Variants in TMPRSS11E observed in about 807,000 individuals in gnomAD.
The protein encoded by TMPRSS11E is transmembrane serine protease 11E.
Under a neutral mutation model 48.1 loss-of-function variants are expected in TMPRSS11E, and 38 were observed. The ratio of observed to expected loss-of-function variants is 0.79; its 90% CI spans 0.61 to 1.04. The LOEUF (loss-of-function observed/expected upper bound fraction) is 1.04. Ranked by LOEUF, TMPRSS11E falls within the 50% of genes least tolerant of loss-of-function variation. The pLI, the probability that TMPRSS11E is intolerant of heterozygous loss-of-function variation, is 0.00. For synonymous variants in TMPRSS11E, 158 were observed against 171.9 expected, an observed-to-expected ratio of 0.92 and a Z score of 0.63; for missense variants, 530 against 510.8, an observed-to-expected ratio of 1.04 and a Z score of -0.36.
At chr4:68,457,164 A>C (rs1728655292) in intron 1 of TMPRSS11E, among the ~76,000 whole-genome samples, 1 of 152,216 alleles carries the variant, frequency 6.6e-6, no homozygotes, top group Non-Finnish European at 1.5e-5. Context: ...TATCTGACAA[A>C]GGGCTAATAT....
rs906364690 is a variant in TMPRSS11E at position 68,495,028 on chromosome 4, G to T, written c.1111-1615G>T. ...GTTGAAAGGGTTTTCCTTTTCTTCT[G>T]AAGTTTATAATTCCACTCCCATTAT... On this transcript the variant is annotated intron_variant, in intron 9 of 9. Coordinates refer to ENST00000305363, the MANE Select transcript of TMPRSS11E (RefSeq NM_014058.4). Among the ~76,000 whole-genome samples the T allele has an allele frequency of 2.0e-5, 3 of 152,182 alleles. No individual in the cohort carries two copies. The East Asian group carries it at 5.8e-4, about 29-fold the overall frequency.
At chr4:68,487,695 A>G (rs1479699522) in intron 9 of TMPRSS11E, among the ~76,000 whole-genome samples, 2 of 152,012 alleles carry the variant, frequency 1.3e-5, no homozygotes, top group Non-Finnish European at 2.9e-5. Flanking sequence ...GTTTGGCTGG[A>G]TATGAAATTC....
chr4:68,478,717 A>T, intron 8 of TMPRSS11E, 132 bp from the exon 9 acceptor site: 1 of 928,834 alleles, frequency 1.1e-6, no homozygotes, highest in South Asian at 1.7e-5. Context: ...GGCCTCTCAA[A>T]GTGCTGGGAT....
chr4:68,452,490 T>A (rs1463112641), intron 1 of TMPRSS11E, among the ~76,000 whole-genome samples: 1 of 151,938 alleles, frequency 6.6e-6, no homozygotes, highest in East Asian at 1.9e-4. Flanking sequence ...TTACCATGAC[T>A]TTACAGCTAG....
rs1044722478 is a variant in TMPRSS11E at position 68,483,534 on chromosome 4, C to T, written c.1110+4543C>T. Among the ~76,000 whole-genome samples, 135 of 151,810 alleles carry T rather than the reference C, an allele frequency of 8.9e-4. 1 individual carries two copies. The highest frequency in any genetic ancestry group is 3.1e-3 in the African/African-American group (128 of 41,422). Reference sequence around the variant, plus strand: ...TTTCTTAAAGATTCTGGATATTAGACCTTTGTCAGATGCATAGTTTGCAAA... The same window carrying T: ...TTTCTTAAAGATTCTGGATATTAGATCTTTGTCAGATGCATAGTTTGCAAA... On this transcript the variant is annotated intron_variant, in intron 9 of 9. Coordinates refer to ENST00000305363, the MANE Select transcript of TMPRSS11E (RefSeq NM_014058.4).
chr4:68,475,377 A>T (rs1309924958), intron 6 of TMPRSS11E, among the ~76,000 whole-genome samples: 1 of 152,120 alleles, frequency 6.6e-6, no homozygotes, highest in Non-Finnish European at 1.5e-5. Flanking sequence ...TTCAATAGTT[A>T]TGGGGTTGTT....
In TMPRSS11E at chr4:68,477,364, C is replaced by T. The variant is rs1482010468; in HGVS notation, c.708-5C>T. 1.9e-6 allele frequency: 3 copies of T among 1,594,884 alleles called. No homozygotes were observed. The highest frequency in any genetic ancestry group is 2.6e-6 in the Non-Finnish European group (3 of 1,173,256). On this transcript the variant is annotated splice_region_variant and splice_polypyrimidine_tract_variant and intron_variant, in intron 7 of 9. Transcript: ENST00000305363. ...GAAATTTATTCTTCATTTTTTTCTC[C>T]CCAGATATAAGAACCCTGCCAGATG...
intron 5 of TMPRSS11E, among the ~76,000 whole-genome samples, chr4:68,473,004 C>T (rs1471460000): frequency 1.3e-5 from 2 of 151,960 alleles, no homozygotes; most frequent in Non-Finnish European, 2.9e-5. Context: ...GGAAATTATG[C>T]AACTATATTT....
intron 6 of TMPRSS11E, among the ~76,000 whole-genome samples, chr4:68,475,865 G>A (rs1729197974): frequency 6.6e-6 from 1 of 152,152 alleles, no homozygotes. Flanking sequence ...TGGTGCCAAG[G>A]TTGAGGAACC....
chr4:68,450,294 T>C (rs935844491), intron 1 of TMPRSS11E, among the ~76,000 whole-genome samples: 4 of 151,960 alleles, frequency 2.6e-5, no homozygotes, highest in African/African-American at 7.2e-5. Context: ...TTGTGTATTT[T>C]ATAAAATGCA....
chr4:68,448,513 A>G (rs574033741), intron 1 of TMPRSS11E, among the ~76,000 whole-genome samples: 5 of 152,052 alleles, frequency 3.3e-5, no homozygotes, highest in African/African-American at 4.8e-5. Context: ...TGACTTTACT[A>G]TAGAAAACAG....
In TMPRSS11E at chr4:68,471,475, A is replaced by G; in HGVS notation, c.342A>G (p.Gly114=). 6.5e-7 allele frequency: 1 copy of G among 1,543,770 alleles called. No homozygotes were observed. Among genetic ancestry groups the G allele is most frequent in the South Asian group, 1.3e-5 (1 of 79,794 alleles). The part of the protein sequence containing the change: ...QVIKFSQQKH[G]VLAHMLLICR... ...TGGCCCACAGTCAACAGAAGCATGG[A>G]GTGTTGGCTCATATGCTGTTGATTT... is the stretch of plus-strand genomic sequence containing the variant. Residue 114 remains glycine, a synonymous_variant, in exon 5 of 10, where the codon GGA becomes GGG. Coordinates refer to ENST00000305363, the MANE Select transcript of TMPRSS11E (RefSeq NM_014058.4).
intron 2 of TMPRSS11E, among the ~76,000 whole-genome samples, chr4:68,466,239 G>A (rs1728923483): frequency 6.6e-6 from 1 of 152,152 alleles, no homozygotes; most frequent in Non-Finnish European, 1.5e-5. Flanking sequence ...GAAAATCTAT[G>A]TTTGGAATAT....
intron 5 of TMPRSS11E, 74 bp downstream of exon 5, chr4:68,471,697 A>T (rs566021795): frequency 7.3e-5 from 89 of 1,215,530 alleles, no homozygotes; most frequent in East Asian, 6.2e-4. Flanking sequence ...TTATTAAAAA[A>T]TTTTTTTTGA....
At chr4:68,484,596 C>T (rs897329236) in intron 9 of TMPRSS11E, among the ~76,000 whole-genome samples, 2 of 152,202 alleles carry the variant, frequency 1.3e-5, no homozygotes, top group Non-Finnish European at 2.9e-5. Context: ...GCATCAGCCA[C>T]TGTACCTGGC....
rs367960746 is a variant in TMPRSS11E, at chr4:68,456,004, A to G, written c.12-5817A>G. Among the ~76,000 whole-genome samples, 33 of 152,034 alleles carry G rather than the reference A, an allele frequency of 2.2e-4. 1 individual carries two copies. In the South Asian group the frequency reaches 4.3e-3, roughly 20 times the overall value. ...TGTATGTAGTTGCAAATTTCTAGAG[A>G]TCAGGCCAAGTGTCAACTTAAATAT... is the stretch of plus-strand genomic sequence containing the variant. On this transcript the variant is annotated intron_variant, in intron 1 of 9. Transcript: ENST00000305363.
chr4:68,463,550 T>C (rs915904165), intron 2 of TMPRSS11E, among the ~76,000 whole-genome samples: 1 of 152,180 alleles, frequency 6.6e-6, no homozygotes, highest in Non-Finnish European at 1.5e-5. Context: ...AGATCTGCCT[T>C]CCTTGGCCTC....
At chr4:68,488,555 T>G (rs1388782221) in intron 9 of TMPRSS11E, among the ~76,000 whole-genome samples, 1 of 152,178 alleles carries the variant, frequency 6.6e-6, no homozygotes, top group Non-Finnish European at 1.5e-5. Context: ...TTCTCTTCTT[T>G]TCTCTCAGAG....
At chr4:68,471,352 C>G in intron 4 of TMPRSS11E, 108 bp from the exon 5 acceptor site, 13 of 609,322 alleles carry the variant, frequency 2.1e-5, no homozygotes, top group South Asian at 5.4e-5. Context: ...TTTCTTTCCT[C>G]CCTCCCTCCT....
Sources: allele counts gnomAD v4.1 joint callset (sites outside exome capture counted in the v4.1 genomes callset), GRCh38; gene constraint gnomAD v4.1.1; transcripts MANE v1.5; gene names NCBI Gene and HGNC (gene_info 2026-07-23, HGNC 2026-07-21).